PPIL2: variants seen among roughly 807,000 people sequenced by gnomAD.
PPIL2 encodes the protein peptidylprolyl isomerase like 2, also known as RING-type E3 ubiquitin-protein ligase PPIL2.
PPIL2 carries 50 observed loss-of-function variants against 75.2 expected under a neutral mutation model. That is an observed-to-expected ratio of 0.66 (90% CI 0.53 to 0.84). The LOEUF is 0.84. Among genes scored for constraint, PPIL2 ranks in the 40% least tolerant of loss-of-function variants. The pLI, the probability that PPIL2 is intolerant of heterozygous loss-of-function variation, is 0.00. For synonymous variants in PPIL2, 245 were observed against 258.8 expected (o/e 0.95, Z 0.51); for missense variants, 590 against 685.0 (o/e 0.86, Z 1.55).
chr22:21,686,781 C>G, intron 11 of PPIL2, 111 bp from the exon 12 acceptor site: 1 of 1,174,790 alleles, frequency 8.5e-7, no homozygotes. Context: ...CCCCTGCTCT[C>G]CCCAGAGCTG....
chr22:21,676,339 G>A (rs966465743), intron 6 of PPIL2, among the ~76,000 whole-genome samples: 1 of 150,224 alleles, frequency 6.7e-6, no homozygotes, highest in African/African-American at 2.5e-5. Flanking sequence ...GTGTGTGTGT[G>A]TTATTGTTTA....
chr22:21,686,374 G>A, intron 10 of PPIL2, 109 bp from the exon 11 acceptor site: 1 of 1,057,966 alleles, frequency 9.5e-7, no homozygotes, highest in Non-Finnish European at 1.4e-6. Flanking sequence ...GCACCAAGCA[G>A]GGCCTGGGGG....
chr22:21,672,736 CG>C (rs1267087589), intron 5 of PPIL2, among the ~76,000 whole-genome samples: 1 of 152,168 alleles, frequency 6.6e-6, no homozygotes, highest in Non-Finnish European at 1.5e-5. Flanking sequence ...AGCCTGGTTC[CG>C]AGGGAGATCT....
intron 15 of PPIL2, among the ~76,000 whole-genome samples, chr22:21,693,096 G>A (rs2067753068): frequency 2.0e-5 from 3 of 151,870 alleles, no homozygotes; most frequent in Admixed American, 2.0e-4. Context: ...CGCCCAGGCT[G>A]GAGTGCAGTG....
intron 15 of PPIL2, among the ~76,000 whole-genome samples, chr22:21,693,087 G>A (rs181762760): frequency 6.6e-5 from 10 of 151,542 alleles, no homozygotes; most frequent in East Asian, 5.9e-4. Flanking sequence ...AGACTCTGTC[G>A]CCCAGGCTGG....
chr22:21,671,193 G>A, intron 4 of PPIL2, 134 bp downstream of exon 4: 1 of 891,378 alleles, frequency 1.1e-6, no homozygotes, highest in Non-Finnish European at 1.9e-6. Flanking sequence ...GGACATGGCA[G>A]CAATGCTGCT....
Position 21,695,745 on chromosome 22 carries a change from G to A in PPIL2, c.*255G>A. On this transcript the variant is annotated 3_prime_UTR_variant, in exon 20 of 20. Transcript: ENST00000398831. ...GCTGGGACCTTCAAGCACAAGGCCT[G>A]CCCTACACCCAGGCTGGTGCCTCAG... The A allele has an allele frequency of 7.6e-7, 1 of 1,313,222 alleles. No homozygotes were observed. Among genetic ancestry groups the A allele is most frequent in the Non-Finnish European group, 9.8e-7 (1 of 1,023,030 alleles). The allele number at this position is 1,313,222 out of a possible 1,614,324, so 81.3% of individuals were successfully genotyped here.
rs1273275736 is a variant in PPIL2 at position 21,695,856 on chromosome 22, C to G, written c.*366C>G. On this transcript the variant is annotated 3_prime_UTR_variant, in exon 20 of 20. Coordinates refer to ENST00000398831, the MANE Select transcript of PPIL2 (RefSeq NM_014337.4). Reference sequence around the variant, plus strand: ...TTCCTCTTTAAGACAGGGTCTTGCTCTGTTGCCCAGGCTCCAGTGCAGTGG... The same window carrying G: ...TTCCTCTTTAAGACAGGGTCTTGCTGTGTTGCCCAGGCTCCAGTGCAGTGG... The G allele has an allele frequency of 8.9e-7, 1 of 1,129,540 alleles. No homozygotes were observed. Among genetic ancestry groups the G allele is most frequent in the East Asian group, 6.7e-5 (1 of 14,986 alleles). The allele number at this position is 1,129,540 out of a possible 1,614,324, so 70.0% of individuals were successfully genotyped here.
chr22:21,670,504 G>A, intron 2 of PPIL2, 62 bp from the exon 3 acceptor site: 2 of 1,522,986 alleles, frequency 1.3e-6, no homozygotes, highest in South Asian at 1.1e-5. Context: ...TTGCTAGCAG[G>A]TGCACATAGA....
intron 16 of PPIL2, among the ~76,000 whole-genome samples, chr22:21,694,161 C>A (rs1031776280): frequency 2.6e-5 from 4 of 152,192 alleles, no homozygotes; most frequent in Admixed American, 1.3e-4. Context: ...CTGGCCACAC[C>A]CAGCTCCCTT....
intron 5 of PPIL2, among the ~76,000 whole-genome samples, chr22:21,672,719 A>G (rs970348485): frequency 1.3e-5 from 2 of 152,318 alleles, no homozygotes; most frequent in African/African-American, 4.8e-5. Flanking sequence ...TTGTGGGGAC[A>G]TTATGCAGCC....
At chr22:21,699,031 C>T (rs1047659143), downstream of PPIL2, 1 of 152,426 alleles carries the variant, frequency 6.6e-6, no homozygotes, top group Non-Finnish European at 1.5e-5. Flanking sequence ...CCATGCCCAC[C>T]AGGGCAGCGG....
In PPIL2 at chr22:21,696,691, T is replaced by C; in HGVS notation, c.*1201T>C. On this transcript the variant is annotated 3_prime_UTR_variant, in exon 20 of 20. Coordinates refer to ENST00000398831, the MANE Select transcript of PPIL2 (RefSeq NM_014337.4). ...CTAGTTCTTCACACTAAGCCCTAAC[T>C]TAGGCCTTGTTCTTGGTTTTCTCAT... The C allele has an allele frequency of 6.5e-7, 1 of 1,534,694 alleles. No individual in the cohort carries two copies. The highest frequency in any genetic ancestry group is 8.7e-7 in the Non-Finnish European group (1 of 1,146,142).
chr22:21,676,312 TGTG>T (rs2066851471), intron 6 of PPIL2, among the ~76,000 whole-genome samples: 1 of 147,306 alleles, frequency 6.8e-6, no homozygotes, highest in African/African-American at 2.5e-5. Flanking sequence ...ATTTATTTTG[TGTG>T]TGTGTGTGTG....
At chr22:21,684,959 G>A in intron 10 of PPIL2, 46 bp downstream of exon 10, 2 of 1,604,790 alleles carry the variant, frequency 1.2e-6, no homozygotes, top group East Asian at 2.2e-5. Context: ...CCGTCTTCCT[G>A]CCCATCTCAT....
Position 21,688,904 on chromosome 22 carries a change from G to C in PPIL2, c.1139+55G>C, listed in dbSNP as rs146799589. 1.0e-3 allele frequency: 1,536 copies of C among 1,499,368 alleles called. 16 individuals carry two copies. The African/African-American group carries it at 0.018, about 18-fold the overall frequency. The allele number at this position is 1,499,368 out of a possible 1,614,324, so 92.9% of individuals were successfully genotyped here. On this transcript the variant is annotated intron_variant, in intron 15 of 19. Transcript: ENST00000398831. ...TGGGAGGTGAGCCGGCACTCTCTGC[G>C]GGTTCTTCCTCTTGGCCCTCTCTGA...
intron 10 of PPIL2, chr22:21,685,566 A>G (rs1236164169): frequency 2.2e-5 from 9 of 401,448 alleles, no homozygotes; most frequent in African/African-American, 4.3e-5. Flanking sequence ...CTTGTTGTCC[A>G]GTGTGTCACT....
intron 7 of PPIL2, 120 bp downstream of exon 7, chr22:21,681,510 A>C (rs1601547694): frequency 3.5e-6 from 3 of 851,850 alleles, no homozygotes. Flanking sequence ...GTTTACAGTC[A>C]CAGCCACAGG....
At chr22:21,682,638 A>G in intron 8 of PPIL2, 112 bp downstream of exon 8, 1 of 861,816 alleles carries the variant, frequency 1.2e-6, no homozygotes, top group Non-Finnish European at 1.8e-6. Flanking sequence ...CCTCAAAGCC[A>G]CCTGAGGCAT....
Sources: gnomAD v4.1 joint callset for allele counts (sites outside exome capture counted in the v4.1 genomes callset) on GRCh38, gnomAD v4.1.1 for gene constraint, MANE v1.5 for transcripts, NCBI Gene and HGNC (gene_info 2026-07-23, HGNC 2026-07-21) for gene names.